Variants in CACNG3 observed in about 807,000 individuals in gnomAD.
The protein encoded by CACNG3 is calcium voltage-gated channel auxiliary subunit gamma 3, also known as voltage-dependent calcium channel gamma-3 subunit.
CACNG3 carries 3 observed loss-of-function variants against 28.5 expected under a neutral mutation model. The ratio of observed to expected loss-of-function variants is 0.11; its 90% CI spans 0.05 to 0.27. The LOEUF is 0.27. CACNG3 is among the 10% of genes least tolerant of loss of function. The pLI, the probability that CACNG3 is intolerant of heterozygous loss-of-function variation, is 1.00. For missense variants in CACNG3, 236 were observed against 414.4 expected (o/e 0.57, Z 3.74); for synonymous variants, 174 against 162.2 (o/e 1.07, Z -0.55).
In CACNG3 at chr16:24,361,268, T is replaced by A. The variant is rs1442648283; in HGVS notation, c.437-84T>A. On this transcript the variant is annotated intron_variant, in intron 3 of 3. Coordinates refer to ENST00000005284, the MANE Select transcript of CACNG3 (RefSeq NM_006539.4). This position sits in a 1 kb window ranked among gnomAD's most constrained non-coding sequence, Gnocchi z 6.8. ...CTCCTCTCTCCCCATTACCTCCACA[T>A]TTTCTATAAATATTTTAAGATGGAA... is the stretch of plus-strand genomic sequence containing the variant. 8.7e-7 allele frequency: 1 copy of A among 1,153,166 alleles called. No homozygotes were observed. The highest frequency in any genetic ancestry group is 1.2e-6 in the Non-Finnish European group (1 of 804,648). 71.4% of individuals were successfully genotyped at this position (1,153,166 alleles called of 1,614,324 possible).
intron 1 of CACNG3, among the ~76,000 whole-genome samples, chr16:24,289,394 A>T (rs1379669726): frequency 6.6e-6 from 1 of 152,248 alleles, no homozygotes; most frequent in Non-Finnish European, 1.5e-5. Flanking sequence ...TAAAAAAAGC[A>T]CCTTAGCATT....
chr16:24,351,547 G>T (rs1899938395), intron 2 of CACNG3, among the ~76,000 whole-genome samples: 1 of 142,348 alleles, frequency 7.0e-6, no homozygotes, highest in Non-Finnish European at 1.5e-5. Context: ...CTCCAACCTG[G>T]GTGACAGAGC....
At chr16:24,303,660 T>A (rs1005306505) in intron 1 of CACNG3, among the ~76,000 whole-genome samples, 2 of 152,046 alleles carry the variant, frequency 1.3e-5, no homozygotes, top group Admixed American at 1.3e-4. Context: ...TCACCAGAAC[T>A]TCCTTCTTTA....
At chr16:24,351,958 G>C (rs1899954438) in intron 2 of CACNG3, among the ~76,000 whole-genome samples, 1 of 151,054 alleles carries the variant, frequency 6.6e-6, no homozygotes, top group Non-Finnish European at 1.5e-5. Context: ...TGGGACTACA[G>C]GCGCCCACCA....
At chr16:24,272,375 CTT>C (rs570636843) in intron 1 of CACNG3, among the ~76,000 whole-genome samples, 1 of 149,406 alleles carries the variant, frequency 6.7e-6, no homozygotes, top group Non-Finnish European at 1.5e-5. Context: ...AAATCTCTCT[CTT>C]TTTTTTTTCC....
intron 1 of CACNG3, among the ~76,000 whole-genome samples, chr16:24,260,082 T>C (rs1898518650): frequency 6.6e-6 from 1 of 152,226 alleles, no homozygotes; most frequent in Non-Finnish European, 1.5e-5. Flanking sequence ...GAAGGATGTT[T>C]CCAGTTTTCA....
chr16:24,258,918 T>G (rs1898503576), intron 1 of CACNG3, among the ~76,000 whole-genome samples: 2 of 152,192 alleles, frequency 1.3e-5, no homozygotes, highest in South Asian at 4.1e-4. Flanking sequence ...AGAGCAGAGG[T>G]AGGACCTAAA....
intron 1 of CACNG3, among the ~76,000 whole-genome samples, chr16:24,322,554 C>T (rs763096258): frequency 7.2e-5 from 11 of 151,990 alleles, no homozygotes; most frequent in Non-Finnish European, 1.3e-4. Context: ...TTTTAGAAGA[C>T]TTTTACATTT....
At chr16:24,333,936 C>G (rs946830051) in intron 1 of CACNG3, among the ~76,000 whole-genome samples, 2 of 152,172 alleles carry the variant, frequency 1.3e-5, no homozygotes, top group Admixed American at 6.5e-5. Context: ...ACCCCAGCCT[C>G]AGCATTTTTC....
intron 1 of CACNG3, among the ~76,000 whole-genome samples, chr16:24,319,029 T>TTTTACA (rs1899422884): frequency 6.6e-6 from 1 of 152,232 alleles, no homozygotes; most frequent in Admixed American, 6.5e-5. Context: ...TTGTGTTTAT[T>TTTTACA]TTTACAGTGG....
chr16:24,287,050 G>A (rs932232920), intron 1 of CACNG3, among the ~76,000 whole-genome samples: 1 of 152,230 alleles, frequency 6.6e-6, no homozygotes, highest in African/African-American at 2.4e-5. Context: ...GGGATGGCAT[G>A]CTTGCTTGCT....
At chr16:24,352,049 C>T (rs528994037) in intron 2 of CACNG3, among the ~76,000 whole-genome samples, 1 of 152,134 alleles carries the variant, frequency 6.6e-6, no homozygotes, top group East Asian at 1.9e-4. Flanking sequence ...CTCCTGATCT[C>T]CTCACACCTG....
intron 1 of CACNG3, among the ~76,000 whole-genome samples, chr16:24,266,310 G>A (rs1003020666): frequency 6.6e-6 from 1 of 152,166 alleles, no homozygotes; most frequent in South Asian, 2.1e-4. Flanking sequence ...GTTTAGGTAC[G>A]AATACTGTGT....
chr16:24,290,597 G>A (rs1898953659), intron 1 of CACNG3, among the ~76,000 whole-genome samples: 1 of 152,102 alleles, frequency 6.6e-6, no homozygotes, highest in African/African-American at 2.4e-5. Context: ...TTGTAGTCAT[G>A]GGTTATTTAT....
At chr16:24,351,130 T>G (rs1226675370) in intron 2 of CACNG3, among the ~76,000 whole-genome samples, 1 of 151,942 alleles carries the variant, frequency 6.6e-6, no homozygotes, top group South Asian at 2.1e-4. Context: ...CTAACTAAAG[T>G]TAAGGGTTGA....
rs771077901 is a variant in CACNG3 at position 24,361,544 on chromosome 16, A to G, written c.629A>G (p.Lys210Arg). ...YIEKHQQLRAKSHSEFLKKST... is the reference protein window; with the variant it reads ...YIEKHQQLRARSHSEFLKKST... ...GAAAAACATCAGCAGTTACGAGCCAAATCCCACTCGGAGTTCCTGAAGAAA... is the reference window on the plus strand; with the variant it reads ...GAAAAACATCAGCAGTTACGAGCCAGATCCCACTCGGAGTTCCTGAAGAAA... The change falls in exon 4 of 4, where the codon AAA becomes AGA. Residue 210 changes from lysine (K) to arginine (R), a missense_variant. This residue lies in a region of CACNG3 where 116 missense variants were observed against 151.0 expected (regional missense o/e 0.77). Coordinates refer to ENST00000005284, the MANE Select transcript of CACNG3 (RefSeq NM_006539.4). The surrounding 1 kb of genome is among the most constrained non-coding windows in gnomAD (Gnocchi z 6.8). 6.2e-7 allele frequency: 1 copy of G among 1,614,026 alleles called. No homozygotes were observed. Among genetic ancestry groups the G allele is most frequent in the Non-Finnish European group, 8.5e-7 (1 of 1,179,990 alleles).
At position 24,291,372 on chromosome 16, in the gene CACNG3, T is replaced by C. The variant is rs117968048; in HGVS notation, c.211+34407T>C. On this transcript the variant is annotated intron_variant, in intron 1 of 3. Coordinates refer to ENST00000005284, the MANE Select transcript of CACNG3 (RefSeq NM_006539.4). Reference sequence around the variant, plus strand: ...TCAACAATACTTCTGGCAACTACCATATGACAATGCACTTGAAGACTGTGC... The same window carrying C: ...TCAACAATACTTCTGGCAACTACCACATGACAATGCACTTGAAGACTGTGC... Among the ~76,000 whole-genome samples the C allele has an allele frequency of 4.6e-3, 708 of 152,286 alleles. 3 individuals carry two copies. The highest frequency in any genetic ancestry group is 7.4e-3 in the Non-Finnish European group (502 of 68,020).
intron 1 of CACNG3, among the ~76,000 whole-genome samples, chr16:24,340,652 T>C (rs149060707): frequency 6.6e-6 from 1 of 152,302 alleles, no homozygotes; most frequent in African/African-American, 2.4e-5. Flanking sequence ...AGACGAACTA[T>C]TAGTACAATC....
At chr16:24,303,207 CT>C (rs1467547284) in intron 1 of CACNG3, among the ~76,000 whole-genome samples, 2 of 152,182 alleles carry the variant, frequency 1.3e-5, no homozygotes, top group Non-Finnish European at 2.9e-5. Context: ...ACATTCCTCG[CT>C]GTCTCCTCTA....
Sources: gnomAD v4.1 joint callset for allele counts (sites outside exome capture counted in the v4.1 genomes callset) on GRCh38, gnomAD v4.1.1 for gene constraint, gnomAD v4.1.1 regional missense constraint, Gnocchi (gnomAD v3.1) non-coding constraint, MANE v1.5 for transcripts, NCBI Gene and HGNC (gene_info 2026-07-23, HGNC 2026-07-21) for gene names.